Variants in CNTN5 observed in about 807,000 individuals in gnomAD.
CNTN5 encodes contactin 5, also known as contactin-5.
In CNTN5, 77 loss-of-function variants were observed where a neutral mutation model predicts 129.1. That is an observed-to-expected ratio of 0.60 (90% CI 0.50 to 0.72). The LOEUF is 0.72. CNTN5 is among the 30% of genes least tolerant of loss of function. The pLI, the probability that CNTN5 is intolerant of heterozygous loss-of-function variation, is 0.00. For synonymous variants in CNTN5, 509 were observed against 465.6 expected (o/e 1.09, Z -1.20); for missense variants, 1,478 against 1,328.8 (o/e 1.11, Z -1.75).
intron 2 of CNTN5, among the ~76,000 whole-genome samples, chr11:99,395,874 G>A (rs1000913043): frequency 1.3e-5 from 2 of 151,666 alleles, no homozygotes; most frequent in Non-Finnish European, 3.0e-5. Context: ...CTTATTTCTG[G>A]GCTATCTATT....
intron 1 of CNTN5, among the ~76,000 whole-genome samples, chr11:99,176,316 GC>G (rs1373344984): frequency 6.6e-6 from 1 of 151,758 alleles, no homozygotes; most frequent in Non-Finnish European, 1.5e-5. Flanking sequence ...TGTTCTCTGT[GC>G]TACCTCACTT....
chr11:99,699,542 A>AT (rs997403289), intron 3 of CNTN5, among the ~76,000 whole-genome samples: 2 of 151,476 alleles, frequency 1.3e-5, no homozygotes, highest in Non-Finnish European at 3.0e-5. Flanking sequence ...CAATACTCTG[A>AT]TTTTTTATCT....
chr11:99,843,828 G>C (rs759569704), intron 4 of CNTN5, among the ~76,000 whole-genome samples: 1 of 152,098 alleles, frequency 6.6e-6, no homozygotes, highest in Non-Finnish European at 1.5e-5. Flanking sequence ...GCTATTATGT[G>C]ATCAAATTCA....
At chr11:99,255,468 A>G (rs765367870) in intron 1 of CNTN5, among the ~76,000 whole-genome samples, 1 of 151,230 alleles carries the variant, frequency 6.6e-6, no homozygotes, top group East Asian at 1.9e-4. Flanking sequence ...TAGAATGCCT[A>G]ATAATATTAC....
intron 2 of CNTN5, among the ~76,000 whole-genome samples, chr11:99,399,502 T>C (rs7122002): frequency 6.6e-6 from 1 of 151,780 alleles, no homozygotes; most frequent in African/African-American, 2.4e-5. Flanking sequence ...TGTAGAAATA[T>C]TCTTTATGAC....
intron 3 of CNTN5, among the ~76,000 whole-genome samples, chr11:99,626,882 G>A (rs1466272474): frequency 1.3e-5 from 2 of 152,126 alleles, no homozygotes; most frequent in Non-Finnish European, 2.9e-5. Flanking sequence ...CTTTTAGAAA[G>A]TATTCCTGTA....
intron 8 of CNTN5, among the ~76,000 whole-genome samples, chr11:100,000,108 G>T (rs1464157887): frequency 1.3e-5 from 2 of 151,844 alleles, no homozygotes; most frequent in Non-Finnish European, 2.9e-5. Context: ...GTGTACATAT[G>T]TAACTAACCT....
At chr11:99,749,551 T>A (rs990460456) in intron 3 of CNTN5, among the ~76,000 whole-genome samples, 1 of 152,216 alleles carries the variant, frequency 6.6e-6, no homozygotes, top group Non-Finnish European at 1.5e-5. Context: ...GACACCTCAG[T>A]GGCCCAGTCT....
intron 13 of CNTN5, among the ~76,000 whole-genome samples, chr11:100,111,298 T>C (rs1945651752): frequency 6.6e-6 from 1 of 152,062 alleles, no homozygotes. Flanking sequence ...AGTTACCAAT[T>C]CACTTTAGAC....
intron 13 of CNTN5, among the ~76,000 whole-genome samples, chr11:100,113,822 C>G (rs758875875): frequency 2.6e-5 from 4 of 151,992 alleles, no homozygotes; most frequent in Non-Finnish European, 5.9e-5. Context: ...TGTTTCCACA[C>G]AAGCTCAAAA....
chr11:100,329,407 T>G (rs921883324), intron 21 of CNTN5, among the ~76,000 whole-genome samples: 1 of 152,346 alleles, frequency 6.6e-6, no homozygotes, highest in Middle Eastern at 3.4e-3. Context: ...AGCCACTGCC[T>G]GAGAAACCTG....
At chr11:100,059,281 T>G (rs1201743714) in intron 9 of CNTN5, among the ~76,000 whole-genome samples, 2 of 152,078 alleles carry the variant, frequency 1.3e-5, no homozygotes, top group African/African-American at 4.8e-5. Context: ...TGATACAAAA[T>G]GCTACCAAAT....
At chr11:100,201,635 A>C (rs78302986) in intron 15 of CNTN5, among the ~76,000 whole-genome samples, 3 of 134,890 alleles carry the variant, frequency 2.2e-5, no homozygotes, top group Non-Finnish European at 5.2e-5. Flanking sequence ...GTTTTCCTTT[A>C]CTTGTCTTTC....
intron 21 of CNTN5, among the ~76,000 whole-genome samples, chr11:100,336,064 T>C (rs2139001149): frequency 6.6e-6 from 1 of 152,314 alleles, no homozygotes; most frequent in South Asian, 2.1e-4. Context: ...AGAAGTACTA[T>C]TTTCTCTGTT....
At chr11:99,755,369 C>T (rs55988971) in intron 3 of CNTN5, among the ~76,000 whole-genome samples, 10,870 of 152,194 alleles carry the variant, frequency 0.071, 622 homozygotes, top group African/African-American at 0.16. Context: ...CCTGTTGCTT[C>T]ACATTCTCAA....
intron 2 of CNTN5, among the ~76,000 whole-genome samples, chr11:99,402,487 G>A (rs1445231780): frequency 6.6e-6 from 1 of 151,974 alleles, no homozygotes; most frequent in Non-Finnish European, 1.5e-5. Flanking sequence ...TTTTGTTAAG[G>A]GTTTTTGCAT....
At chr11:100,148,149 A>AACTC (rs1946918434) in intron 13 of CNTN5, among the ~76,000 whole-genome samples, 1 of 152,080 alleles carries the variant, frequency 6.6e-6, no homozygotes, top group Non-Finnish European at 1.5e-5. Context: ...TAAAAACTGT[A>AACTC]ACTCATTCCT....
rs1942069750 is a variant in CNTN5 at position 99,406,413 on chromosome 11, C to CTT, written c.-71+80930_-71+80931insTT. ...TCCCAAACAGAGTCTCTCTCTCTCT[C>CTT]TCTCTGTTCTGAGCCATCTGGAGCT... is the stretch of plus-strand genomic sequence containing the variant. On this transcript the variant is annotated intron_variant, in intron 2 of 24. Coordinates refer to ENST00000524871, the MANE Select transcript of CNTN5 (RefSeq NM_014361.4). Among the ~76,000 whole-genome samples, 3 of 149,158 alleles carry CTT rather than the reference C, an allele frequency of 2.0e-5. No homozygotes were observed. The South Asian group carries it at 6.3e-4, about 31-fold the overall frequency.
intron 2 of CNTN5, among the ~76,000 whole-genome samples, chr11:99,375,844 T>C (rs1940147598): frequency 6.6e-6 from 1 of 152,190 alleles, no homozygotes; most frequent in East Asian, 1.9e-4. Context: ...CCATATTCTG[T>C]TGGTCACAGT....
Sources: gnomAD v4.1 joint callset for allele counts (sites outside exome capture counted in the v4.1 genomes callset) on GRCh38, gnomAD v4.1.1 for gene constraint, MANE v1.5 for transcripts, NCBI Gene and HGNC (gene_info 2026-07-23, HGNC 2026-07-21) for gene names.